SYN2: variants seen among roughly 807,000 people sequenced by gnomAD.
SYN2 encodes synapsin-2.
SYN2 carries 19 observed loss-of-function variants against 50.9 expected under a neutral mutation model. The ratio of observed to expected loss-of-function variants is 0.37; its 90% CI spans 0.26 to 0.55. The LOEUF is 0.55. Ranked by LOEUF, SYN2 falls within the 20% of genes least tolerant of loss-of-function variation. The pLI is 0.81. For synonymous variants in SYN2, 255 were observed against 224.9 expected, an observed-to-expected ratio of 1.13 and a Z score of -1.20; for missense variants, 587 against 576.4, an observed-to-expected ratio of 1.02 and a Z score of -0.19.
chr3:12,175,986 C>T (rs1318085646), intron 10 of SYN2, among the ~76,000 whole-genome samples: 1 of 152,202 alleles, frequency 6.6e-6, no homozygotes, highest in Non-Finnish European at 1.5e-5. Context: ...GCAACTGACC[C>T]TCTGTACATG....
At chr3:12,036,179 T>A (rs1694494194) in intron 1 of SYN2, among the ~76,000 whole-genome samples, 1 of 152,030 alleles carries the variant, frequency 6.6e-6, no homozygotes, top group Non-Finnish European at 1.5e-5. Context: ...CTCACATGGC[T>A]CCACTAGGCA....
At chr3:12,154,261 T>G (rs1697388117) in intron 5 of SYN2, 2 of 1,605,424 alleles carry the variant, frequency 1.2e-6, no homozygotes, top group Admixed American at 3.3e-5. Flanking sequence ...AATAAATTCA[T>G]GCATGAATGA....
At chr3:12,186,276 C>T (rs932636355) in intron 11 of SYN2, among the ~76,000 whole-genome samples, 1 of 152,176 alleles carries the variant, frequency 6.6e-6, no homozygotes, top group Non-Finnish European at 1.5e-5. Context: ...ATCATTTCCA[C>T]TAGTCAGTAG....
intron 1 of SYN2, among the ~76,000 whole-genome samples, chr3:12,108,844 G>GT (rs59521769): frequency 0.27 from 38,792 of 142,854 alleles, 6,523 homozygotes; most frequent in African/African-American, 0.49. Flanking sequence ...TTAGGAGCCA[G>GT]TTTTTTTTTT....
intron 7 of SYN2, among the ~76,000 whole-genome samples, chr3:12,163,528 G>A (rs1697708291): frequency 6.6e-6 from 1 of 151,424 alleles, no homozygotes. Context: ...CATGTGTTTT[G>A]TGTCACCCTC....
chr3:12,147,751 A>G (rs931598100), intron 4 of SYN2, among the ~76,000 whole-genome samples: 1 of 152,110 alleles, frequency 6.6e-6, no homozygotes, highest in South Asian at 2.1e-4. Flanking sequence ...ACAAACTGGG[A>G]ATAATAGTAG....
chr3:12,137,709 T>C (rs993467933), intron 1 of SYN2, among the ~76,000 whole-genome samples: 11 of 152,138 alleles, frequency 7.2e-5, no homozygotes, highest in Admixed American at 2.6e-4. Flanking sequence ...AAAACAAAAG[T>C]TTAAAAAAAT....
rs368315978 is a variant in SYN2 at position 12,145,737 on chromosome 3, G to A, written c.586G>A (p.Glu196Lys). The change falls in exon 4 of 13, where the codon GAG becomes AAG. Residue 196 changes from glutamate to lysine, a missense_variant. Coordinates refer to ENST00000621198, the MANE Select transcript of SYN2 (RefSeq NM_133625.6). ...GCATGCATTTGGCATGGCGGAGAAT[G>A]AGGACTTCCGCCACCTGATCATTGG... ...RQHAFGMAEN[E>K]DFRHLIIGMQ... The A allele has an allele frequency of 6.2e-7, 1 of 1,613,904 alleles. No individual in the cohort carries two copies. Among genetic ancestry groups the A allele is most frequent in the Non-Finnish European group, 8.5e-7 (1 of 1,179,906 alleles).
intron 2 of SYN2, 56 bp from the exon 3 acceptor site, chr3:12,141,849 T>G: frequency 1.3e-6 from 1 of 778,278 alleles, no homozygotes. Context: ...TGCTGCTATG[T>G]AGAGGACTTG....
chr3:12,052,622 A>G (rs910795382), intron 1 of SYN2, among the ~76,000 whole-genome samples: 2 of 152,228 alleles, frequency 1.3e-5, no homozygotes, highest in East Asian at 3.8e-4. Flanking sequence ...ATAACATGAT[A>G]AAGAGTTAGG....
Position 12,190,622 on chromosome 3 carries a change from T to G in SYN2, c.1746T>G (p.Asp582Glu). ...AGTCCTTTGCCAGCCTCTTTTCAGATTAGCTCTTCAGACACACGGGGCACC... is the reference window on the plus strand; with the variant it reads ...AGTCCTTTGCCAGCCTCTTTTCAGAGTAGCTCTTCAGACACACGGGGCACC... ...LRKSFASLFS[D>E] Residue 582 changes from aspartate (D) to glutamate (E), a missense_variant, in exon 13 of 13, where the codon GAT becomes GAG. Physicochemically the swap from Asp to Glu is conservative, Grantham distance 45. Transcript: ENST00000621198. 1 of 1,612,570 alleles carries G rather than the reference T, an allele frequency of 6.2e-7. No individual in the cohort carries two copies. The highest frequency in any genetic ancestry group is 8.5e-7 in the Non-Finnish European group (1 of 1,179,392).
At chr3:12,152,256 A>C (rs958862434) in intron 5 of SYN2, among the ~76,000 whole-genome samples, 4 of 152,210 alleles carry the variant, frequency 2.6e-5, no homozygotes, top group African/African-American at 7.2e-5. Context: ...CATTGAAAAG[A>C]ACCATCTCTG....
At chr3:12,070,849 G>T in intron 1 of SYN2, 1 of 583,972 alleles carries the variant, frequency 1.7e-6, no homozygotes, top group Non-Finnish European at 3.4e-6. Flanking sequence ...CACCATGGCT[G>T]AGTGGGAGAT....
At chr3:12,135,282 A>G (rs1696874090) in intron 1 of SYN2, among the ~76,000 whole-genome samples, 1 of 152,174 alleles carries the variant, frequency 6.6e-6, no homozygotes, top group African/African-American at 2.4e-5. Context: ...TTTTTACCCT[A>G]ACAGTGTAGG....
At chr3:12,091,908 A>G (rs1455531461) in intron 1 of SYN2, among the ~76,000 whole-genome samples, 3 of 152,190 alleles carry the variant, frequency 2.0e-5, no homozygotes. Context: ...TGAATGTTAA[A>G]TCTTCTAATA....
At position 12,145,213 on chromosome 3, in the gene SYN2, G is replaced by T. The variant is rs566666112; in HGVS notation, c.528-466G>T. 3.3e-5 allele frequency among the ~76,000 whole-genome samples: 5 copies of T among 152,274 alleles called. No individual in the cohort carries two copies. In the South Asian group the frequency reaches 8.3e-4, roughly 25 times the overall value. ...GCCTAGGAGTTTGAGATCAGCCTGA[G>T]CAACATAGTGAGACCTCATCTCTCC... is the stretch of plus-strand genomic sequence containing the variant. On this transcript the variant is annotated intron_variant, in intron 3 of 12. Transcript: ENST00000621198.
intron 10 of SYN2, among the ~76,000 whole-genome samples, chr3:12,174,238 A>G (rs1441896621): frequency 9.1e-6 from 1 of 109,402 alleles, no homozygotes; most frequent in Non-Finnish European, 1.8e-5. Context: ...TCACATTTCT[A>G]ACTCTTGCTT....
At chr3:12,147,979 T>G (rs1697190612) in intron 4 of SYN2, among the ~76,000 whole-genome samples, 1 of 151,982 alleles carries the variant, frequency 6.6e-6, no homozygotes, top group Non-Finnish European at 1.5e-5. Flanking sequence ...CCGGGTGTGG[T>G]GGCAGGTGCC....
intron 1 of SYN2, among the ~76,000 whole-genome samples, chr3:12,075,457 C>T (rs562479968): frequency 7.2e-5 from 11 of 152,102 alleles, no homozygotes; most frequent in Non-Finnish European, 1.2e-4. Flanking sequence ...TGCTATGATA[C>T]ATGGTTTTTA....
Sources: allele counts gnomAD v4.1 joint callset (sites outside exome capture counted in the v4.1 genomes callset), GRCh38; gene constraint gnomAD v4.1.1; transcripts MANE v1.5; gene names NCBI Gene and HGNC (gene_info 2026-07-23, HGNC 2026-07-21).